XNDC1N: variants seen among roughly 807,000 people sequenced by gnomAD.
The protein encoded by XNDC1N is XRCC1 N-terminal domain containing 1, N-terminal like.
chr11:71,896,478 C>T, the XNDC1N span, among the ~76,000 whole-genome samples: 2 of 152,218 alleles, frequency 1.3e-5, no homozygotes, highest in Non-Finnish European at 2.9e-5. Context: ...TTGCATATTT[C>T]CAGATGCTTT....
At chr11:71,876,133 GA>G in the XNDC1N span, among the ~76,000 whole-genome samples, 1 of 152,216 alleles carries the variant, frequency 6.6e-6, no homozygotes, top group African/African-American at 2.4e-5. Context: ...GGCAGGAAAG[GA>G]AGGTAAACAA....
chr11:71,922,373 GCTCA>G, the XNDC1N span, among the ~76,000 whole-genome samples: 2 of 152,164 alleles, frequency 1.3e-5, no homozygotes, highest in African/African-American at 4.8e-5. Flanking sequence ...CACAATCATG[GCTCA>G]CTGTTAGCCT....
chr11:71,920,103 G>T, the XNDC1N span, among the ~76,000 whole-genome samples: 1 of 144,110 alleles, frequency 6.9e-6, no homozygotes, highest in Non-Finnish European at 1.5e-5. Context: ...GACTACAGGC[G>T]GCCGCTACCA....
the XNDC1N span, among the ~76,000 whole-genome samples, chr11:71,882,364 T>TCGTGC: frequency 6.6e-6 from 1 of 152,020 alleles, no homozygotes; most frequent in Non-Finnish European, 1.5e-5. Context: ...CCAAGCAATC[T>TCGTGC]CGTGCCTCAG....
chr11:71,876,191 G>A, the XNDC1N span, among the ~76,000 whole-genome samples: 585 of 152,218 alleles, frequency 3.8e-3, 8 homozygotes, highest in African/African-American at 0.014. Flanking sequence ...GTGTCTTCCT[G>A]GAGAGTTATG....
At chr11:71,918,650 G>C in the XNDC1N span, among the ~76,000 whole-genome samples, 1 of 152,202 alleles carries the variant, frequency 6.6e-6, no homozygotes. Context: ...TGGTAGTTAT[G>C]TTGCATAATT....
At chr11:71,917,299 C>T in the XNDC1N span, 2 of 675,398 alleles carry the variant, frequency 3.0e-6, no homozygotes, top group South Asian at 1.6e-5. Context: ...CAGGCATGAG[C>T]CACCACGCCT....
At chr11:71,924,737 C>A in the XNDC1N span, among the ~76,000 whole-genome samples, 1 of 152,040 alleles carries the variant, frequency 6.6e-6, no homozygotes, top group Non-Finnish European at 1.5e-5. Flanking sequence ...CGTGTTTTGC[C>A]AAACATTTTA....
At chr11:71,896,854 G>T in the XNDC1N span, among the ~76,000 whole-genome samples, 1 of 152,342 alleles carries the variant, frequency 6.6e-6, no homozygotes, top group Middle Eastern at 3.4e-3. Flanking sequence ...GTGAGCGACT[G>T]CGGCCGGCCC....
the XNDC1N span, chr11:71,918,949 C>T: frequency 1.4e-6 from 1 of 703,002 alleles, no homozygotes; most frequent in Non-Finnish European, 2.6e-6. Flanking sequence ...ATTGCCCACT[C>T]TTGTCCTGAG....
At chr11:71,911,240 G>A in the XNDC1N span, among the ~76,000 whole-genome samples, 3 of 152,224 alleles carry the variant, frequency 2.0e-5, no homozygotes, top group African/African-American at 7.2e-5. Context: ...ATTGGCTAAC[G>A]AATGCCAGAC....
chr11:71,897,958 G>A, the XNDC1N span, among the ~76,000 whole-genome samples: 1 of 152,184 alleles, frequency 6.6e-6, no homozygotes, highest in Non-Finnish European at 1.5e-5. Context: ...CGAGGTGGGC[G>A]GATCACCTGA....
At chr11:71,903,909 C>A in the XNDC1N span, 1 of 433,124 alleles carries the variant, frequency 2.3e-6, no homozygotes, top group African/African-American at 2.0e-5. Context: ...AAACCTTCAC[C>A]ACCTGTGGGT....
chr11:71,889,406 T>G, the XNDC1N span, among the ~76,000 whole-genome samples: 14 of 152,342 alleles, frequency 9.2e-5, no homozygotes, highest in Non-Finnish European at 1.9e-4. Context: ...AAGCAGCATC[T>G]TCCCCCTTCT....
the XNDC1N span, among the ~76,000 whole-genome samples, chr11:71,874,122 C>T: frequency 6.6e-6 from 1 of 152,092 alleles, no homozygotes; most frequent in East Asian, 1.9e-4. Flanking sequence ...TGAGAACAGC[C>T]TAACCAACAT....
At chr11:71,884,860 G>C in the XNDC1N span, among the ~76,000 whole-genome samples, 6 of 148,620 alleles carry the variant, frequency 4.0e-5, no homozygotes, top group Admixed American at 1.3e-4. Context: ...CCTATCGCAG[G>C]GGGGTGAGGC....
the XNDC1N span, among the ~76,000 whole-genome samples, chr11:71,898,413 C>T: frequency 6.6e-6 from 1 of 151,922 alleles, no homozygotes; most frequent in African/African-American, 2.4e-5. Flanking sequence ...TCGAGAACAG[C>T]CTGGCCAATA....
chr11:71,928,290 G>A, the XNDC1N span: 1 of 599,942 alleles, frequency 1.7e-6, no homozygotes, highest in Non-Finnish European at 3.0e-6. Flanking sequence ...AGGCTGCTCA[G>A]TTCATTTCCT....
the XNDC1N span, among the ~76,000 whole-genome samples, chr11:71,911,124 G>A: frequency 4.6e-5 from 7 of 152,246 alleles, no homozygotes; most frequent in Non-Finnish European, 7.3e-5. Flanking sequence ...GGCCTTGGCA[G>A]CAACTGCCCT....
Sources: gnomAD v4.1 joint callset for allele counts (sites outside exome capture counted in the v4.1 genomes callset) on GRCh38, gnomAD v4.1.1 for gene constraint, MANE v1.5 for transcripts, NCBI Gene and HGNC (gene_info 2026-07-23, HGNC 2026-07-21) for gene names.